Variants in SYNPO2 observed in about 807,000 individuals in gnomAD.
SYNPO2 encodes synaptopodin 2, also known as synaptopodin-2.
A neutral mutation model predicts 85.0 loss-of-function variants in SYNPO2; 56 were observed. The ratio of observed to expected loss-of-function variants is 0.66; its 90% CI spans 0.53 to 0.82. The LOEUF is 0.82. Among genes scored for constraint, SYNPO2 ranks in the 40% least tolerant of loss-of-function variants. The probability of loss-of-function intolerance (pLI) is 0.00; values close to 1 mark genes in which losing one functional copy is unlikely to be tolerated. For synonymous variants in SYNPO2, 602 were observed against 591.1 expected, an observed-to-expected ratio of 1.02 and a Z score of -0.27; for missense variants, 1,575 against 1,534.2, an observed-to-expected ratio of 1.03 and a Z score of -0.44.
intron 1 of SYNPO2, among the ~76,000 whole-genome samples, chr4:118,979,141 C>A (rs1409894688): frequency 2.0e-5 from 3 of 152,132 alleles, no homozygotes; most frequent in South Asian, 2.1e-4. Flanking sequence ...CTCCTTAGCA[C>A]AAAACAAAAA....
intron 1 of SYNPO2, among the ~76,000 whole-genome samples, chr4:118,988,153 T>C (rs1457344119): frequency 6.6e-6 from 1 of 152,224 alleles, no homozygotes. Flanking sequence ...TTTGAATAGC[T>C]AGAGCAAATA....
intron 1 of SYNPO2, among the ~76,000 whole-genome samples, chr4:118,871,861 A>G (rs550386930): frequency 3.8e-4 from 58 of 152,296 alleles, no homozygotes; most frequent in South Asian, 1.4e-3. Flanking sequence ...GAGCCACCGC[A>G]CCTGGCCTAT....
chr4:119,014,053 A>T (rs1187786116), intron 1 of SYNPO2, among the ~76,000 whole-genome samples: 2 of 152,214 alleles, frequency 1.3e-5, no homozygotes, highest in Admixed American at 6.5e-5. Context: ...TATGCATTTC[A>T]ATCAACCCAT....
chr4:118,978,167 G>C (rs1735863111), intron 1 of SYNPO2, among the ~76,000 whole-genome samples: 1 of 152,168 alleles, frequency 6.6e-6, no homozygotes, highest in South Asian at 2.1e-4. Flanking sequence ...TTCTTGGCCA[G>C]ATTTGCCCAT....
At chr4:119,013,229 G>A (rs1380159) in intron 1 of SYNPO2, among the ~76,000 whole-genome samples, 118,861 of 152,128 alleles carry the variant, frequency 0.78, 48,008 homozygotes, top group Non-Finnish European at 0.9. Context: ...GTTCCTTACT[G>A]TCATACATTT....
chr4:118,856,703 C>T (rs1476549007), intron 1 of SYNPO2, among the ~76,000 whole-genome samples: 5 of 151,890 alleles, frequency 3.3e-5, no homozygotes. Context: ...TTGTAGATGG[C>T]ATCTCCTGAT....
At chr4:118,927,757 A>AGACAGAT (rs1353244231) in intron 1 of SYNPO2, among the ~76,000 whole-genome samples, 2 of 132,954 alleles carry the variant, frequency 1.5e-5, no homozygotes, top group African/African-American at 2.9e-5. Context: ...GATGATAGAT[A>AGACAGAT]GATATATAGA....
At chr4:118,994,714 T>C (rs545122018) in intron 1 of SYNPO2, among the ~76,000 whole-genome samples, 59 of 152,340 alleles carry the variant, frequency 3.9e-4, no homozygotes, top group African/African-American at 1.4e-3. Flanking sequence ...ACAAGCTTGG[T>C]AGAAAGTGGC....
chr4:118,922,532 ACT>A (rs1160874688), intron 1 of SYNPO2, among the ~76,000 whole-genome samples: 1 of 149,036 alleles, frequency 6.7e-6, no homozygotes, highest in Non-Finnish European at 1.5e-5. Flanking sequence ...TTTGCTCTCC[ACT>A]CTTTTTTTTT....
At chr4:118,951,134 T>C (rs1189815613) in intron 1 of SYNPO2, among the ~76,000 whole-genome samples, 2 of 152,198 alleles carry the variant, frequency 1.3e-5, no homozygotes, top group African/African-American at 2.4e-5. Context: ...GTGTAACTGA[T>C]GGGAGTTTAG....
chr4:119,023,386 A>C (rs1560990602), intron 1 of SYNPO2, 44 bp from the exon 2 acceptor site: 2 of 1,548,982 alleles, frequency 1.3e-6, no homozygotes, highest in Non-Finnish European at 1.7e-6. Flanking sequence ...TGCTTTTTAC[A>C]AATTATATCA....
intron 1 of SYNPO2, among the ~76,000 whole-genome samples, chr4:118,931,600 T>G (rs1396456963): frequency 2.6e-5 from 4 of 152,204 alleles, no homozygotes; most frequent in Non-Finnish European, 4.4e-5. Flanking sequence ...TATAAAGAAC[T>G]TATCTCTGCT....
chr4:119,032,537 G>A, intron 4 of SYNPO2: 1 of 1,004,996 alleles, frequency 1.0e-6, no homozygotes, highest in Non-Finnish European at 1.2e-6. Context: ...AGGACAGGGA[G>A]CAGCTCTGGT....
intron 1 of SYNPO2, among the ~76,000 whole-genome samples, chr4:118,998,508 A>G (rs17050186): frequency 0.03 from 4,553 of 152,286 alleles, 211 homozygotes; most frequent in African/African-American, 0.1. Flanking sequence ...CAGAGTTAAA[A>G]CAGGCAAGTT....
chr4:118,876,676 TC>T (rs1731922330), intron 1 of SYNPO2, among the ~76,000 whole-genome samples: 1 of 7,126 alleles, frequency 1.4e-4, no homozygotes, highest in Non-Finnish European at 3.1e-4. Context: ...TCTCTTTCTT[TC>T]TTTCTTTCTT....
At position 119,057,727 on chromosome 4, in the gene SYNPO2, A is replaced by C; in HGVS notation, c.3579A>C (p.Ser1193=). 6.2e-7 allele frequency: 1 copy of C among 1,614,182 alleles called. No homozygotes were observed. The change falls in exon 5 of 5, where the codon TCA becomes TCC. Residue 1193 remains serine, a synonymous_variant. Transcript: ENST00000307142. ...AAACCCAGAAGGCCTATATGGGCTC[A>C]TGTGGAAGGCAAGAGTATAATGTCA... The part of the protein sequence containing the change: ...IPQTQKAYMG[S]CGRQEYNVTA...
intron 1 of SYNPO2, among the ~76,000 whole-genome samples, chr4:118,924,420 C>T (rs1191764216): frequency 6.6e-6 from 1 of 152,284 alleles, no homozygotes; most frequent in Non-Finnish European, 1.5e-5. Flanking sequence ...TTCTGAGTAA[C>T]AATGTGGCCC....
chr4:119,024,198 C>T lies in SYNPO2; in HGVS notation c.257+617C>T, dbSNP rs938771198. 3.3e-5 allele frequency among the ~76,000 whole-genome samples: 5 copies of T among 150,686 alleles called. No homozygotes were observed. The South Asian group carries it at 1.0e-3, about 31-fold the overall frequency. On this transcript the variant is annotated intron_variant, in intron 2 of 4. Transcript: ENST00000307142. ...TAGTTGTTTAACAATATAAAAGAAA[C>T]CTTTAAATGTAAAAAACAAAAGAAA... is the stretch of plus-strand genomic sequence containing the variant.
At chr4:118,992,215 G>C (rs1048611254) in intron 1 of SYNPO2, among the ~76,000 whole-genome samples, 1 of 152,158 alleles carries the variant, frequency 6.6e-6, no homozygotes, top group African/African-American at 2.4e-5. Context: ...TGGAAGGGTG[G>C]ATGCATGATT....
Sources: gnomAD v4.1 joint callset for allele counts (sites outside exome capture counted in the v4.1 genomes callset) on GRCh38, gnomAD v4.1.1 for gene constraint, MANE v1.5 for transcripts, NCBI Gene and HGNC (gene_info 2026-07-23, HGNC 2026-07-21) for gene names.